The following PTPRD variants were observed in gnomAD, a reference collection of about 807,000 sequenced individuals.
PTPRD encodes the protein receptor-type tyrosine-protein phosphatase delta.
Under a neutral mutation model 214.5 loss-of-function variants are expected in PTPRD, and 34 were observed. The observed-to-expected ratio is 0.16, with a 90% CI of 0.12 to 0.21. The LOEUF is 0.21. PTPRD is among the 10% of genes least tolerant of loss of function. PTPRD has a pLI of 1.00. For missense variants in PTPRD, 2,545 were observed against 2,398.7 expected (o/e 1.06, Z -1.27); for synonymous variants, 1,128 against 845.7 (o/e 1.33, Z -5.79).
chr9:8,318,014 C>CAATA (rs1823160255), intron 45 of PTPRD, 72 bp from the exon 46 acceptor site: 2 of 1,310,050 alleles, frequency 1.5e-6, no homozygotes. Flanking sequence ...AAATAAAAAT[C>CAATA]AATATTGCAT....
At chr9:9,744,860 C>T (rs777556312) in intron 6 of PTPRD, among the ~76,000 whole-genome samples, 4 of 151,974 alleles carry the variant, frequency 2.6e-5, no homozygotes, top group African/African-American at 7.2e-5. Context: ...TTTAATAATA[C>T]CAACAATTTT....
At chr9:10,044,692 G>A (rs538599441) in intron 3 of PTPRD, among the ~76,000 whole-genome samples, 5 of 151,730 alleles carry the variant, frequency 3.3e-5, no homozygotes, top group African/African-American at 4.8e-5. Flanking sequence ...AGGCTGGGAA[G>A]TTTTCTGAAG....
intron 3 of PTPRD, among the ~76,000 whole-genome samples, chr9:10,229,863 GAT>G (rs1468162934): frequency 6.6e-6 from 1 of 151,592 alleles, no homozygotes; most frequent in East Asian, 2.0e-4. Flanking sequence ...AATAAAAAAA[GAT>G]AAAAACAAAA....
At chr9:9,225,520 A>C (rs1015903601) in intron 9 of PTPRD, among the ~76,000 whole-genome samples, 1 of 152,024 alleles carries the variant, frequency 6.6e-6, no homozygotes, top group Non-Finnish European at 1.5e-5. Flanking sequence ...CTACAAATCT[A>C]TCTATGCAGA....
intron 2 of PTPRD, among the ~76,000 whole-genome samples, chr9:10,394,599 T>C (rs1048593430): frequency 6.6e-6 from 1 of 151,826 alleles, no homozygotes; most frequent in Non-Finnish European, 1.5e-5. Context: ...ACGTAGTCTA[T>C]CCAAACACTC....
intron 3 of PTPRD, among the ~76,000 whole-genome samples, chr9:10,297,133 T>C (rs1187774303): frequency 6.8e-6 from 1 of 147,732 alleles, no homozygotes. Flanking sequence ...AATATATATA[T>C]ATTTTTATTA....
chr9:10,448,613 G>T (rs572663877), intron 2 of PTPRD, among the ~76,000 whole-genome samples: 1 of 151,984 alleles, frequency 6.6e-6, no homozygotes, highest in Non-Finnish European at 1.5e-5. Context: ...TGTATGATTT[G>T]ATCCCTTCTT....
chr9:10,270,492 G>C (rs1054207643), intron 3 of PTPRD, among the ~76,000 whole-genome samples: 4 of 152,290 alleles, frequency 2.6e-5, no homozygotes, highest in African/African-American at 9.6e-5. Flanking sequence ...TTATCTGTCA[G>C]AGAGGGCTGT....
chr9:9,902,387 G>T (rs1028544934), intron 5 of PTPRD, among the ~76,000 whole-genome samples: 70 of 152,104 alleles, frequency 4.6e-4, no homozygotes, highest in African/African-American at 1.6e-3. Flanking sequence ...CATTTCCTGA[G>T]TATGATTCTT....
At chr9:10,229,038 C>A (rs879895731) in intron 3 of PTPRD, among the ~76,000 whole-genome samples, 2 of 151,922 alleles carry the variant, frequency 1.3e-5, no homozygotes, top group South Asian at 2.1e-4. Flanking sequence ...AGATCAACAA[C>A]AACCAGTTGT....
chr9:10,069,302 A>G (rs1365966820), intron 3 of PTPRD, among the ~76,000 whole-genome samples: 1 of 151,942 alleles, frequency 6.6e-6, no homozygotes, highest in Non-Finnish European at 1.5e-5. Context: ...GCAGAGTGCA[A>G]ACAAGAAGTT....
intron 2 of PTPRD, among the ~76,000 whole-genome samples, chr9:10,464,550 T>C (rs1387978808): frequency 1.3e-5 from 2 of 151,728 alleles, no homozygotes; most frequent in Non-Finnish European, 2.9e-5. Context: ...TACAGCTACT[T>C]TGTGTGTGTG....
intron 2 of PTPRD, among the ~76,000 whole-genome samples, chr9:10,553,456 A>C (rs1404220762): frequency 6.6e-6 from 1 of 152,146 alleles, no homozygotes; most frequent in Non-Finnish European, 1.5e-5. Context: ...TGTATTCCAA[A>C]AAGAAACAGC....
intron 39 of PTPRD, among the ~76,000 whole-genome samples, chr9:8,367,665 C>A (rs1488799357): frequency 1.3e-5 from 2 of 152,158 alleles, no homozygotes; most frequent in African/African-American, 4.8e-5. Flanking sequence ...TATACATGCA[C>A]ATGTTTTCTA....
At chr9:10,034,828 T>C (rs888145175) in intron 3 of PTPRD, among the ~76,000 whole-genome samples, 2 of 152,202 alleles carry the variant, frequency 1.3e-5, no homozygotes, top group Non-Finnish European at 2.9e-5. Flanking sequence ...CAGTCTATTA[T>C]TGATGGTCAT....
chr9:9,907,137 C>G (rs942893134), intron 5 of PTPRD, among the ~76,000 whole-genome samples: 2 of 145,228 alleles, frequency 1.4e-5, no homozygotes, highest in African/African-American at 5.1e-5. Flanking sequence ...AGTTCTGTGT[C>G]CTTTTTTGCC....
intron 11 of PTPRD, among the ~76,000 whole-genome samples, chr9:8,923,295 G>A (rs976190324): frequency 2.0e-5 from 3 of 151,992 alleles, no homozygotes; most frequent in African/African-American, 7.3e-5. Context: ...GCCTGCTTCT[G>A]CCTCCCTAAG....
chr9:10,489,116 T>A (rs899930477), intron 2 of PTPRD, among the ~76,000 whole-genome samples: 3 of 152,060 alleles, frequency 2.0e-5, no homozygotes, highest in African/African-American at 7.2e-5. Flanking sequence ...GCCCTTAACA[T>A]AGTACTAAGT....
At chr9:8,773,229 C>A (rs1315635760) in intron 11 of PTPRD, among the ~76,000 whole-genome samples, 1 of 152,096 alleles carries the variant, frequency 6.6e-6, no homozygotes, top group Non-Finnish European at 1.5e-5. Flanking sequence ...GAATATCAAC[C>A]AGAGAGGAAG....
Sources: allele counts gnomAD v4.1 joint callset (sites outside exome capture counted in the v4.1 genomes callset), GRCh38; gene constraint gnomAD v4.1.1; transcripts MANE v1.5; gene names NCBI Gene and HGNC (gene_info 2026-07-23, HGNC 2026-07-21).